Variants in FGF13 observed in about 807,000 individuals in gnomAD.
FGF13 encodes fibroblast growth factor homologous factor 2.
In FGF13, 2 loss-of-function variants were observed where a neutral mutation model predicts 19.5. The ratio of observed to expected loss-of-function variants is 0.10; its 90% CI spans 0.04 to 0.32. The LOEUF is 0.32. FGF13 is among the 10% of genes least tolerant of loss of function. The probability of loss-of-function intolerance (pLI) is 1.00; values close to 1 mark genes in which losing one functional copy is unlikely to be tolerated. For missense variants in FGF13, 113 were observed against 192.7 expected, an observed-to-expected ratio of 0.59 and a Z score of 2.45; for synonymous variants, 72 against 76.9, an observed-to-expected ratio of 0.94 and a Z score of 0.33.
intron 3 of FGF13, among the ~76,000 whole-genome samples, chrX:138,793,046 G>A (rs2090753788): frequency 9.0e-6 from 1 of 111,575 alleles, no homozygotes; most frequent in African/African-American, 3.3e-5. Context: ...CAGAAGAGGA[G>A]AAGACACATA....
chrX:139,140,409 T>C (rs1169840521), intron 1 of FGF13, among the ~76,000 whole-genome samples: 1 of 111,531 alleles, frequency 9.0e-6, no homozygotes, highest in Non-Finnish European at 1.9e-5. Context: ...GTGTTCTAAC[T>C]AACTATCTGA....
intron 1 of FGF13, among the ~76,000 whole-genome samples, chrX:139,076,797 C>T (rs1251787797): frequency 8.9e-6 from 1 of 111,858 alleles, no homozygotes; most frequent in Non-Finnish European, 1.9e-5. Flanking sequence ...CCTTATGATT[C>T]TCTGATCTTT....
At chrX:138,645,261 C>T (rs2089293955) in intron 3 of FGF13, among the ~76,000 whole-genome samples, 1 of 112,155 alleles carries the variant, frequency 8.9e-6, no homozygotes, top group East Asian at 2.8e-4. Flanking sequence ...CAATGGTGCC[C>T]TTAACAAGTC....
At chrX:138,772,194 A>T in intron 3 of FGF13, among the ~76,000 whole-genome samples, 1 of 108,544 alleles carries the variant, frequency 9.2e-6, no homozygotes. Context: ...GAAAAAAAGC[A>T]AGAATTAAAC....
At chrX:139,094,808 C>G (rs1052697193) in intron 1 of FGF13, among the ~76,000 whole-genome samples, 1 of 112,112 alleles carries the variant, frequency 8.9e-6, no homozygotes. Flanking sequence ...CTATGTGACT[C>G]TGGATGAGAC....
intron 3 of FGF13, among the ~76,000 whole-genome samples, chrX:138,811,797 A>T (rs923021535): frequency 9.1e-6 from 1 of 110,271 alleles, no homozygotes; most frequent in African/African-American, 3.3e-5. Flanking sequence ...TTCCTATGTT[A>T]GTAAATGACA....
intron 1 of FGF13, among the ~76,000 whole-genome samples, chrX:139,097,415 C>T (rs1297890733): frequency 9.0e-6 from 1 of 111,462 alleles, no homozygotes; most frequent in African/African-American, 3.3e-5. Flanking sequence ...TCATGGCCCA[C>T]AGGCTGGACA....
chrX:138,830,730 T>TGTGTGTGTGTGTGTGTGTG (rs1569406299), intron 3 of FGF13, among the ~76,000 whole-genome samples: 9 of 99,043 alleles, frequency 9.1e-5, no homozygotes, highest in Non-Finnish European at 1.9e-4. Flanking sequence ...TGTGTGTGTG[T>TGTGTGTGTGTGTGTGTGTG]TTTAAGCTAT....
At chrX:138,754,963 T>C (rs2090422486) in intron 3 of FGF13, among the ~76,000 whole-genome samples, 1 of 111,856 alleles carries the variant, frequency 8.9e-6, no homozygotes, top group Admixed American at 9.5e-5. Flanking sequence ...CTTCTCTCCA[T>C]GCACCTTTCC....
At chrX:139,031,475 T>C (rs919584182) in intron 1 of FGF13, among the ~76,000 whole-genome samples, 4 of 110,671 alleles carry the variant, frequency 3.6e-5, no homozygotes, top group African/African-American at 1.3e-4. Flanking sequence ...CCTAATTAAC[T>C]CCTCCCAACA....
chrX:138,990,211 T>A (rs1016828278), intron 1 of FGF13, among the ~76,000 whole-genome samples: 6 of 111,321 alleles, frequency 5.4e-5, no homozygotes. Context: ...AATTATAGTC[T>A]ATAAAGGGTA....
intron 1 of FGF13, among the ~76,000 whole-genome samples, chrX:139,132,217 G>A (rs2083767243): frequency 8.9e-6 from 1 of 111,771 alleles, no homozygotes; most frequent in African/African-American, 3.2e-5. Context: ...CTATTAGAAA[G>A]CATCTAGGTG....
In FGF13 at chrX:138,703,050, C is replaced by A; in HGVS notation, c.336G>T (p.Val112=). Residue 112 remains valine, a synonymous_variant, in exon 3 of 5, where the codon GTG becomes GTT. Coordinates refer to ENST00000315930, the MANE Select transcript of FGF13 (RefSeq NM_004114.5). ...FNLIPVGLRV[V]AIQGVQTKLY... ...GCTTGGTTTGAACTCCTTGGATAGC[C>A]ACCACTCGCAGACCCACAGGGATGA... 8.3e-7 allele frequency: 1 copy of A among 1,208,947 alleles called. No individual in the cohort carries two copies. Among genetic ancestry groups the A allele is most frequent in the Non-Finnish European group, 1.1e-6 (1 of 892,930 alleles).
chrX:138,995,118 T>A (rs753172085), intron 1 of FGF13, among the ~76,000 whole-genome samples: 1 of 109,170 alleles, frequency 9.2e-6, no homozygotes, highest in South Asian at 4.1e-4. Flanking sequence ...CCCTCCCCCA[T>A]CCCCTAGCAA....
At chrX:139,025,836 G>A (rs183006818) in intron 1 of FGF13, among the ~76,000 whole-genome samples, 86 of 110,256 alleles carry the variant, frequency 7.8e-4, no homozygotes, top group Non-Finnish European at 1.3e-3. Flanking sequence ...CATGGAAGGG[G>A]CTCTTGGTAA....
intron 1 of FGF13, among the ~76,000 whole-genome samples, chrX:138,925,203 A>G (rs1370695936): frequency 2.7e-5 from 3 of 111,782 alleles, no homozygotes; most frequent in Non-Finnish European, 5.6e-5. Flanking sequence ...AGATGTTGGT[A>G]GCCCCACTTT....
chrX:138,943,551 A>C (rs773215692), intron 1 of FGF13, among the ~76,000 whole-genome samples: 1 of 111,981 alleles, frequency 8.9e-6, no homozygotes, highest in Non-Finnish European at 1.9e-5. Flanking sequence ...AATGTCATTC[A>C]CTAAATGTCA....
chrX:138,941,677 C>T (rs1288351908), intron 1 of FGF13, among the ~76,000 whole-genome samples: 1 of 112,101 alleles, frequency 8.9e-6, no homozygotes, highest in Non-Finnish European at 1.9e-5. Flanking sequence ...CAGTCTTACA[C>T]AGAAAGAAAG....
intron 1 of FGF13, among the ~76,000 whole-genome samples, chrX:139,045,593 C>A (rs1241742688): frequency 8.9e-6 from 1 of 112,435 alleles, no homozygotes; most frequent in African/African-American, 3.2e-5. Context: ...TGAGCATAGG[C>A]TATTAGAAGA....
Sources: gnomAD v4.1 joint callset for allele counts (sites outside exome capture counted in the v4.1 genomes callset) on GRCh38, gnomAD v4.1.1 for gene constraint, MANE v1.5 for transcripts, NCBI Gene and HGNC (gene_info 2026-07-23, HGNC 2026-07-21) for gene names.